ANO10: variants seen among roughly 807,000 people sequenced by gnomAD.
The protein encoded by ANO10 is anoctamin-10.
A neutral mutation model predicts 74.7 loss-of-function variants in ANO10; 77 were observed. The ratio of observed to expected loss-of-function variants is 1.03; its 90% CI spans 0.86 to 1.25. ANO10 has a LOEUF of 1.25. ANO10 is among the 50% of genes most tolerant of loss of function. The pLI, the probability that ANO10 is intolerant of heterozygous loss-of-function variation, is 0.00. For missense variants in ANO10, 721 were observed against 778.1 expected, an observed-to-expected ratio of 0.93 and a Z score of 0.87; for synonymous variants, 279 against 284.9, an observed-to-expected ratio of 0.98 and a Z score of 0.21.
At chr3:43,559,058 C>T (rs985642565) in intron 9 of ANO10, among the ~76,000 whole-genome samples, 1 of 152,192 alleles carries the variant, frequency 6.6e-6, no homozygotes, top group African/African-American at 2.4e-5. Context: ...AGGTCTTGAA[C>T]CTTCTTTCTG....
chr3:43,406,421 TTG>T (rs1241360449), intron 12 of ANO10, among the ~76,000 whole-genome samples: 4 of 152,226 alleles, frequency 2.6e-5, no homozygotes, highest in African/African-American at 9.7e-5. Flanking sequence ...TTTTCAAGTG[TTG>T]TGAGCCAATA....
At chr3:43,479,762 T>C (rs2076198124) in intron 11 of ANO10, among the ~76,000 whole-genome samples, 1 of 152,178 alleles carries the variant, frequency 6.6e-6, no homozygotes, top group South Asian at 2.1e-4. Context: ...TGCCTGGGCC[T>C]TGGAGAACCC....
intron 11 of ANO10, among the ~76,000 whole-genome samples, chr3:43,434,952 C>T (rs1249010984): frequency 6.6e-6 from 1 of 152,200 alleles, no homozygotes; most frequent in South Asian, 2.1e-4. Context: ...AAAAATATAG[C>T]ATCTTCACAA....
chr3:43,404,876 C>CAAAAAAAAAAAA, intron 12 of ANO10, among the ~76,000 whole-genome samples: 1 of 81,402 alleles, frequency 1.2e-5, no homozygotes, highest in African/African-American at 5.1e-5. Context: ...GAACCTGTCT[C>CAAAAAAAAAAAA]AAAAAAAAAA....
intron 1 of ANO10, among the ~76,000 whole-genome samples, chr3:43,665,017 A>C (rs779497533): frequency 4.1e-4 from 62 of 152,362 alleles, no homozygotes; most frequent in Non-Finnish European, 7.3e-4. Flanking sequence ...CAGCAATCCC[A>C]TTACTGGGTA....
intron 1 of ANO10, among the ~76,000 whole-genome samples, chr3:43,651,602 T>G (rs2083788324): frequency 6.6e-6 from 1 of 152,208 alleles, no homozygotes; most frequent in African/African-American, 2.4e-5. Context: ...GATGAATTCC[T>G]TAAGAGCAGA....
At chr3:43,397,409 G>A (rs968446592) in intron 12 of ANO10, among the ~76,000 whole-genome samples, 4 of 152,080 alleles carry the variant, frequency 2.6e-5, no homozygotes, top group African/African-American at 9.7e-5. Context: ...CCTCATCATG[G>A]GGCGGGGGGC....
chr3:43,552,854 C>T (rs867293857), intron 10 of ANO10, among the ~76,000 whole-genome samples: 28 of 151,796 alleles, frequency 1.8e-4, no homozygotes, highest in East Asian at 5.8e-4. Flanking sequence ...AGTGGAATGG[C>T]GCAATCTCAG....
intron 11 of ANO10, among the ~76,000 whole-genome samples, chr3:43,514,511 C>T (rs1037638066): frequency 1.3e-5 from 2 of 151,988 alleles, no homozygotes; most frequent in East Asian, 3.9e-4. Context: ...GAGAAACAGA[C>T]AAAGCCACAA....
At chr3:43,404,075 T>C (rs1458776520) in intron 12 of ANO10, among the ~76,000 whole-genome samples, 3 of 152,212 alleles carry the variant, frequency 2.0e-5, no homozygotes, top group Non-Finnish European at 4.4e-5. Context: ...TTAAGGTCCC[T>C]ATTCAGCTGA....
chr3:43,550,676 T>C (rs2079416668), intron 10 of ANO10, among the ~76,000 whole-genome samples: 4 of 150,070 alleles, frequency 2.7e-5, no homozygotes, highest in Admixed American at 2.0e-4. Context: ...AATCTTTGTG[T>C]AGTCTGATTA....
chr3:43,529,745 C>T (rs2078373116), intron 11 of ANO10, among the ~76,000 whole-genome samples: 1 of 151,762 alleles, frequency 6.6e-6, no homozygotes, highest in Non-Finnish European at 1.5e-5. Flanking sequence ...AACTGACAAA[C>T]CAAACAGTAG....
intron 10 of ANO10, among the ~76,000 whole-genome samples, chr3:43,550,307 A>G (rs569391724): frequency 1.8e-4 from 27 of 152,344 alleles, no homozygotes; most frequent in African/African-American, 6.5e-4. Flanking sequence ...TCAAGGCACC[A>G]GTGATAAATG....
At position 43,574,841 on chromosome 3, in the gene ANO10, A is replaced by T. The variant is rs745316599; in HGVS notation, c.1186T>A (p.Tyr396Asn). The T allele has an allele frequency of 6.2e-7, 1 of 1,614,100 alleles. No individual in the cohort carries two copies. Among genetic ancestry groups the T allele is most frequent in the Non-Finnish European group, 8.5e-7 (1 of 1,179,950 alleles). Residue 396 changes from tyrosine (Y) to asparagine (N), a missense_variant, in exon 7 of 13, where the codon TAT becomes AAT. Coordinates refer to ENST00000292246, the MANE Select transcript of ANO10 (RefSeq NM_018075.5). The stretch of plus-strand genomic sequence containing the variant: ...ACTTTCAGAATTAGATGGTTCTGAT[A>T]GGCAGATTCCAATCTGTGATTCTCT... ...SWENHRLESA[Y>N]QNHLILKVLV...
intron 12 of ANO10, among the ~76,000 whole-genome samples, chr3:43,381,367 G>A (rs776451928): frequency 6.6e-6 from 1 of 152,100 alleles, no homozygotes; most frequent in Non-Finnish European, 1.5e-5. Flanking sequence ...GTAAAGGGGT[G>A]GAAAAAGATA....
At chr3:43,689,301 A>G (rs1339134398) in intron 1 of ANO10, 1 of 152,198 alleles carries the variant, frequency 6.6e-6, no homozygotes, top group African/African-American at 2.4e-5. Context: ...GTAACAGCAC[A>G]GAGATTTACC....
At chr3:43,556,121 G>A (rs1418661294) in intron 9 of ANO10, among the ~76,000 whole-genome samples, 1 of 152,180 alleles carries the variant, frequency 6.6e-6, no homozygotes, top group African/African-American at 2.4e-5. Flanking sequence ...GCAGCATCTA[G>A]TTATGGTTCT....
chr3:43,549,293 A>C (rs766694007), intron 11 of ANO10, among the ~76,000 whole-genome samples: 1 of 149,566 alleles, frequency 6.7e-6, no homozygotes, highest in Non-Finnish European at 1.5e-5. Flanking sequence ...CCAAATTACC[A>C]TCAGGTACCA....
intron 11 of ANO10, among the ~76,000 whole-genome samples, chr3:43,491,211 A>C (rs964464789): frequency 6.6e-5 from 10 of 152,190 alleles, no homozygotes; most frequent in Non-Finnish European, 1.2e-4. Flanking sequence ...AAGTATGCCA[A>C]CATACAAAAC....
Sources: gnomAD v4.1 joint callset for allele counts (sites outside exome capture counted in the v4.1 genomes callset) on GRCh38, gnomAD v4.1.1 for gene constraint, MANE v1.5 for transcripts, NCBI Gene and HGNC (gene_info 2026-07-23, HGNC 2026-07-21) for gene names.